ARL13B: variants seen among roughly 807,000 people sequenced by gnomAD.
ARL13B encodes the protein ADP-ribosylation factor-like protein 13B.
In ARL13B, 36 loss-of-function variants were observed where a neutral mutation model predicts 56.1. That is an observed-to-expected ratio of 0.64 (90% CI 0.49 to 0.85). The LOEUF (loss-of-function observed/expected upper bound fraction) is 0.85, where lower values mean the gene tolerates loss of function less well. Among genes scored for constraint, ARL13B ranks in the 40% least tolerant of loss-of-function variants. The pLI, the probability that ARL13B is intolerant of heterozygous loss-of-function variation, is 0.00. For synonymous variants in ARL13B, 178 were observed against 171.1 expected, an observed-to-expected ratio of 1.04 and a Z score of -0.32; for missense variants, 519 against 507.1, an observed-to-expected ratio of 1.02 and a Z score of -0.23.
At position 94,036,573 on chromosome 3, in the gene ARL13B, G is replaced by C. The variant is rs2076771730; in HGVS notation, c.508G>C (p.Gly170Arg). 2.5e-6 allele frequency: 4 copies of C among 1,613,908 alleles called. No homozygotes were observed. The highest frequency in any genetic ancestry group is 3.4e-6 in the Non-Finnish European group (4 of 1,179,982). The change falls in exon 5 of 10, where the codon GGG becomes CGG. Residue 170 changes from glycine to arginine, a missense_variant. Coordinates refer to ENST00000394222, the MANE Select transcript of ARL13B (RefSeq NM_001174150.2). ...CQIEPCSAIS[G>R]YGKKIDKSIK... ...TTAGGAACCATGTTCAGCAATCTCG[G>C]GGTATGGAAAGAAAATTGACAAGTC...
At chr3:94,023,319 T>G (rs2076488296) in intron 3 of ARL13B, among the ~76,000 whole-genome samples, 1 of 152,146 alleles carries the variant, frequency 6.6e-6, no homozygotes, top group Non-Finnish European at 1.5e-5. Context: ...TTTCTGATAT[T>G]TTGTAGATCT....
chr3:94,032,156 G>A (rs536767817), intron 3 of ARL13B, among the ~76,000 whole-genome samples: 1 of 152,092 alleles, frequency 6.6e-6, no homozygotes, highest in East Asian at 1.9e-4. Context: ...AAATATTTGC[G>A]ACCTCTTTAT....
chr3:94,042,713 ATCATCTC>A (rs1420560830), intron 6 of ARL13B, among the ~76,000 whole-genome samples: 1 of 152,144 alleles, frequency 6.6e-6, no homozygotes, highest in Admixed American at 6.5e-5. Flanking sequence ...GGCAGAGAAA[ATCATCTC>A]TTAGTGATTA....
intron 1 of ARL13B, among the ~76,000 whole-genome samples, chr3:93,980,726 A>AGTGTGTGTGTGTGTGT (rs35756044): frequency 1.4e-5 from 2 of 146,984 alleles, no homozygotes; most frequent in African/African-American, 2.5e-5. Context: ...TTTGTTAAAA[A>AGTGTGTGTGTGTGTGT]GTGTGTGTGT....
In ARL13B at chr3:94,001,532, C is replaced by G. The variant is rs150171500; in HGVS notation, c.131-2127C>G. On this transcript the variant is annotated intron_variant, in intron 2 of 9. Coordinates refer to ENST00000394222, the MANE Select transcript of ARL13B (RefSeq NM_001174150.2). The stretch of plus-strand genomic sequence containing the variant: ...AGCCTTTCTAGACCATAACTTGCCC[C>G]TCCCTTTTTCACCTTCCTTCCCTTG... Among the ~76,000 whole-genome samples, 306 of 152,256 alleles carry G rather than the reference C, an allele frequency of 2.0e-3. 1 individual carries two copies. The highest frequency in any genetic ancestry group is 0.01 in the Middle Eastern group (3 of 292).
intron 1 of ARL13B, chr3:93,989,046 C>T: frequency 4.1e-6 from 1 of 245,552 alleles, no homozygotes; most frequent in South Asian, 4.7e-5. Context: ...CTCCCGCTGC[C>T]CGAGCTGCTG....
At chr3:94,024,788 G>C (rs574802177) in intron 3 of ARL13B, among the ~76,000 whole-genome samples, 2 of 151,988 alleles carry the variant, frequency 1.3e-5, no homozygotes, top group East Asian at 3.9e-4. Context: ...AGGTCTTGCT[G>C]TGTTGCTCAG....
chr3:93,986,730 T>A (rs1298946443), intron 1 of ARL13B, among the ~76,000 whole-genome samples: 1 of 152,082 alleles, frequency 6.6e-6, no homozygotes, highest in Non-Finnish European at 1.5e-5. Flanking sequence ...GCACTTTGGG[T>A]GGCCGTGGTG....
rs1335992244 is a variant in ARL13B at position 94,033,200 on chromosome 3, T to A, written c.381-2131T>A. On this transcript the variant is annotated intron_variant, in intron 3 of 9. Transcript: ENST00000394222. Reference sequence around the variant, plus strand: ...GACATGGAGTGTGGATTAATAGACATTGGAGACTTGGACAGGTGGGAGGGT... The same window carrying A: ...GACATGGAGTGTGGATTAATAGACAATGGAGACTTGGACAGGTGGGAGGGT... 3.9e-5 allele frequency among the ~76,000 whole-genome samples: 6 copies of A among 152,234 alleles called. No individual in the cohort carries two copies. In the South Asian group the frequency reaches 1.2e-3, roughly 32 times the overall value.
At chr3:94,030,196 A>C (rs1211714377) in intron 3 of ARL13B, among the ~76,000 whole-genome samples, 1 of 152,044 alleles carries the variant, frequency 6.6e-6, no homozygotes, top group African/African-American at 2.4e-5. Flanking sequence ...CCTTGTTTTT[A>C]TAGTTCTGAA....
chr3:93,996,925 TG>T (rs1392687167), intron 2 of ARL13B, among the ~76,000 whole-genome samples: 9 of 152,096 alleles, frequency 5.9e-5, no homozygotes, highest in Non-Finnish European at 8.8e-5. Flanking sequence ...CTCACATTAC[TG>T]CCTGAACATT....
Position 94,015,479 on chromosome 3 carries a change from A to G in ARL13B, c.380+11571A>G, listed in dbSNP as rs561198288. Among the ~76,000 whole-genome samples the G allele has an allele frequency of 5.9e-5, 9 of 152,338 alleles. No homozygotes were observed. The South Asian group carries it at 1.9e-3, about 32-fold the overall frequency. On this transcript the variant is annotated intron_variant, in intron 3 of 9. Coordinates refer to ENST00000394222, the MANE Select transcript of ARL13B (RefSeq NM_001174150.2). ...GGGAAAGAAATATAAAATAATTTGT[A>G]AGTTACTTTGCATGTGAGTGCTATT...
chr3:94,034,944 A>T lies in ARL13B; in HGVS notation c.381-387A>T, dbSNP rs115093236. On this transcript the variant is annotated intron_variant, in intron 3 of 9. Transcript: ENST00000394222. ...TACATTTAAAACTTGGGAATCAAAG[A>T]ATGTGGTCAGGCCAGGCATGGTGGA... 9.2e-3 allele frequency among the ~76,000 whole-genome samples: 1,407 copies of T among 152,302 alleles called. 26 individuals carry two copies. Among genetic ancestry groups the T allele is most frequent in the African/African-American group, 0.032 (1,321 of 41,554 alleles).
Position 94,055,397 on chromosome 3 carries a change from G to A in ARL13B, c.*2134G>A, listed in dbSNP as rs1253826334. The A allele has an allele frequency of 2.2e-6, 1 of 450,220 alleles. No individual in the cohort carries two copies. The highest frequency in any genetic ancestry group is 2.4e-5 in the Admixed American group (1 of 42,404). 27.9% of individuals were successfully genotyped at this position (450,220 alleles called of 1,614,324 possible). A position where few individuals can be genotyped will look rare whatever the true frequency, so the allele number is the denominator to read the frequency against. ...GTTTAAATCAGTAGATTAAAATAAT[G>A]CATTTTTTTGATACTTTACACACAA... On this transcript the variant is annotated 3_prime_UTR_variant, in exon 10 of 10. Transcript: ENST00000394222.
In ARL13B at chr3:94,043,047, C is replaced by A. The variant is rs139997243; in HGVS notation, c.831C>A (p.Asn277Lys). ...GAAAACTTGAAAGAGAGAAAAAAAACCAAAAAATGGAGAAAGACAGTGATG... is the reference window on the plus strand; with the variant it reads ...GAAAACTTGAAAGAGAGAAAAAAAAACAAAAAATGGAGAAAGACAGTGATG... Reference protein sequence around the residue: ...NEGKLEREKKNQKMEKDSDGC... With the variant: ...NEGKLEREKKKQKMEKDSDGC... The change falls in exon 7 of 10, where the codon AAC (asparagine) becomes AAA (lysine). Residue 277 changes from asparagine to lysine, a missense_variant. Coordinates refer to ENST00000394222, the MANE Select transcript of ARL13B (RefSeq NM_001174150.2). 8.2e-4 allele frequency: 1,319 copies of A among 1,608,680 alleles called. 8 individuals are homozygous for A. Among genetic ancestry groups the A allele is most frequent in the South Asian group, 3.0e-3 (272 of 89,676 alleles).
chr3:94,049,552 A>G (rs750469287), intron 8 of ARL13B, 30 bp downstream of exon 8: 9 of 1,346,436 alleles, frequency 6.7e-6, no homozygotes, highest in Middle Eastern at 3.7e-4. Context: ...TACTGAATTT[A>G]GAAATATTGC....
At chr3:94,032,383 T>G (rs1317141679) in intron 3 of ARL13B, among the ~76,000 whole-genome samples, 1 of 152,244 alleles carries the variant, frequency 6.6e-6, no homozygotes, top group East Asian at 1.9e-4. Context: ...TTTTAGCTGT[T>G]ACTGAAAAGT....
intron 3 of ARL13B, among the ~76,000 whole-genome samples, chr3:94,011,663 CATAATAGTAT>C (rs932492682): frequency 3.5e-4 from 54 of 152,254 alleles, no homozygotes; most frequent in African/African-American, 1.2e-3. Context: ...TCTGCTCTTA[CATAATAGTAT>C]CCCTTCCCTT....
intron 3 of ARL13B, among the ~76,000 whole-genome samples, chr3:94,016,183 T>C (rs2107496442): frequency 6.6e-6 from 1 of 152,226 alleles, no homozygotes; most frequent in South Asian, 2.1e-4. Flanking sequence ...AATGCTATTA[T>C]CACAGAGCAA....
Sources: allele counts gnomAD v4.1 joint callset (sites outside exome capture counted in the v4.1 genomes callset), GRCh38; gene constraint gnomAD v4.1.1; transcripts MANE v1.5; gene names NCBI Gene and HGNC (gene_info 2026-07-23, HGNC 2026-07-21).